PSMA5: variants seen among roughly 807,000 people sequenced by gnomAD.
The protein encoded by PSMA5 is proteasome 20S subunit alpha 5, also known as proteasome subunit alpha type-5.
A neutral mutation model predicts 34.5 loss-of-function variants in PSMA5; 3 were observed. The ratio of observed to expected loss-of-function variants is 0.09; its 90% CI spans 0.04 to 0.22. The LOEUF (loss-of-function observed/expected upper bound fraction) is 0.22. Among genes scored for constraint, PSMA5 ranks in the 10% least tolerant of loss-of-function variants. The pLI is 1.00. For missense variants in PSMA5, 120 were observed against 286.1 expected (o/e 0.42, Z 4.19); for synonymous variants, 88 against 95.8 (o/e 0.92, Z 0.47).
chr1:109,423,363 C>T (rs1654524000), intron 1 of PSMA5, among the ~76,000 whole-genome samples: 1 of 152,164 alleles, frequency 6.6e-6, no homozygotes, highest in African/African-American at 2.4e-5. Context: ...CACTTGAACC[C>T]AGGAGGCGGA....
rs372534140 is a variant in PSMA5 at position 109,414,890 on chromosome 1, G to A, written c.223+347C>T. On this transcript the variant is annotated intron_variant, in intron 3 of 8. Coordinates refer to ENST00000271308, the MANE Select transcript of PSMA5 (RefSeq NM_002790.4). ...CAAAAAAGTGGGCAGAGGCAACAAGGAATACAAAGATAATCTGAAAACAAA... is the reference window on the plus strand; with the variant it reads ...CAAAAAAGTGGGCAGAGGCAACAAGAAATACAAAGATAATCTGAAAACAAA... 5 of 181,266 alleles carry A rather than the reference G, an allele frequency of 2.8e-5. No homozygotes were observed. In the East Asian group the frequency reaches 5.8e-4, roughly 21 times the overall value. 11.2% of individuals were successfully genotyped at this position (181,266 alleles called of 1,614,324 possible).
intron 8 of PSMA5, among the ~76,000 whole-genome samples, chr1:109,403,465 A>G (rs1653618169): frequency 6.6e-6 from 1 of 151,488 alleles, no homozygotes; most frequent in Admixed American, 6.6e-5. Context: ...GTCTACCAAA[A>G]AAAAAAAACC....
chr1:109,411,781 C>A (rs1468680313), intron 6 of PSMA5, 96 bp downstream of exon 6: 9 of 1,250,868 alleles, frequency 7.2e-6, no homozygotes, highest in East Asian at 4.7e-5. Flanking sequence ...TGTGCTAATA[C>A]CTGGCTAACA....
chr1:109,412,038 T>G lies in PSMA5; in HGVS notation c.399+39A>C, dbSNP rs71656001. On this transcript the variant is annotated intron_variant, in intron 5 of 8. Transcript: ENST00000271308. ...CACAGGACAAATGTCCTAAGTCCCA[T>G]AGAACAATAAGAAAACTCGACAGAA... 6,312 of 1,595,778 alleles carry G rather than the reference T, an allele frequency of 4.0e-3. 18 individuals carry two copies. Among genetic ancestry groups the G allele is most frequent in the Non-Finnish European group, 4.8e-3 (5,556 of 1,163,370 alleles).
intron 8 of PSMA5, among the ~76,000 whole-genome samples, chr1:109,407,880 C>G (rs1030319230): frequency 1.3e-5 from 2 of 152,136 alleles, no homozygotes; most frequent in Admixed American, 1.3e-4. Flanking sequence ...TCTGGCCTCA[C>G]GTGATCTTCC....
chr1:109,403,910 A>C (rs1264811831), intron 8 of PSMA5, among the ~76,000 whole-genome samples: 1 of 152,228 alleles, frequency 6.6e-6, no homozygotes, highest in Non-Finnish European at 1.5e-5. Context: ...ATATATCTCT[A>C]ATTACATGAA....
intron 1 of PSMA5, 90 bp downstream of exon 1, chr1:109,426,212 C>T (rs1334741277): frequency 5.8e-6 from 9 of 1,541,798 alleles, no homozygotes; most frequent in Non-Finnish European, 8.1e-6. Context: ...TCCTGGGGAG[C>T]CCCATGACAC....
chr1:109,412,064 G>T lies in PSMA5; in HGVS notation c.399+13C>A. ...AGAACAATAAGAAAACTCGACAGAAGTATCACACTCACCATGGCACCTGGA... is the reference window on the plus strand; with the variant it reads ...AGAACAATAAGAAAACTCGACAGAATTATCACACTCACCATGGCACCTGGA... On this transcript the variant is annotated intron_variant, in intron 5 of 8. Coordinates refer to ENST00000271308, the MANE Select transcript of PSMA5 (RefSeq NM_002790.4). 1 of 1,609,776 alleles carries T rather than the reference G, an allele frequency of 6.2e-7. No homozygotes were observed. Among genetic ancestry groups the T allele is most frequent in the Non-Finnish European group, 8.5e-7 (1 of 1,176,080 alleles).
At chr1:109,424,002 C>T (rs1397181287) in intron 1 of PSMA5, among the ~76,000 whole-genome samples, 1 of 152,216 alleles carries the variant, frequency 6.6e-6, no homozygotes, top group Non-Finnish European at 1.5e-5. Flanking sequence ...TGTTCCCATA[C>T]ACGTATCATA....
At chr1:109,419,671 C>T (rs773547597) in intron 2 of PSMA5, among the ~76,000 whole-genome samples, 116 of 151,406 alleles carry the variant, frequency 7.7e-4, no homozygotes, top group African/African-American at 2.3e-3. Context: ...TGGTGGCACG[C>T]GCCTGTAATC....
chr1:109,413,041 G>C lies in PSMA5; in HGVS notation c.291+27C>G, dbSNP rs375717582. On this transcript the variant is annotated intron_variant, in intron 4 of 8. Coordinates refer to ENST00000271308, the MANE Select transcript of PSMA5 (RefSeq NM_002790.4). ...CTAAACAAGGAACTCAAGCATCCTG[G>C]TAAAAAGGAGATAATGCCAATTTTA... The C allele has an allele frequency of 3.8e-6, 6 of 1,587,584 alleles. No individual in the cohort carries two copies. In the African/African-American group the frequency reaches 6.7e-5, roughly 18 times the overall value.
chr1:109,407,756 C>G (rs2100956911), intron 8 of PSMA5, among the ~76,000 whole-genome samples: 1 of 152,236 alleles, frequency 6.6e-6, no homozygotes, highest in Admixed American at 6.5e-5. Context: ...ATTCTCATGC[C>G]TCAGCCTCCC....
chr1:109,411,800 T>C (rs887161697), intron 6 of PSMA5, 77 bp downstream of exon 6: 1 of 1,418,218 alleles, frequency 7.1e-7, no homozygotes, highest in Non-Finnish European at 9.9e-7. Context: ...CAGTCTACAA[T>C]AATCTTCTCA....
chr1:109,415,606 T>A lies in PSMA5; in HGVS notation c.97-243A>T, dbSNP rs970984538. On this transcript the variant is annotated intron_variant, in intron 2 of 8. Coordinates refer to ENST00000271308, the MANE Select transcript of PSMA5 (RefSeq NM_002790.4). Reference sequence around the variant, plus strand: ...TTCTTTTTTCTCCCTTAAATTTTTTTAAAATTTTTAATGTTTTCTTTATAA... The same window carrying A: ...TTCTTTTTTCTCCCTTAAATTTTTTAAAAATTTTTAATGTTTTCTTTATAA... Among the ~76,000 whole-genome samples, 18 of 152,224 alleles carry A rather than the reference T, an allele frequency of 1.2e-4. 1 individual carries two copies. Among genetic ancestry groups the A allele is most frequent in the South Asian group, 6.2e-4 (3 of 4,832 alleles).
chr1:109,417,850 G>C (rs992342281), intron 2 of PSMA5, among the ~76,000 whole-genome samples: 9 of 152,030 alleles, frequency 5.9e-5, no homozygotes, highest in Admixed American at 5.9e-4. Context: ...ATACATAACA[G>C]AAACAAAATT....
intron 4 of PSMA5, 87 bp from the exon 5 acceptor site, chr1:109,412,271 G>T (rs1392043053): frequency 5.3e-6 from 6 of 1,135,586 alleles, no homozygotes; most frequent in Non-Finnish European, 7.9e-6. Flanking sequence ...CTTTAAACTG[G>T]GATTGAAAAC....
chr1:109,403,927 GA>G (rs776246269), intron 8 of PSMA5, among the ~76,000 whole-genome samples: 4 of 152,182 alleles, frequency 2.6e-5, no homozygotes, highest in Non-Finnish European at 5.9e-5. Context: ...TGAAATGTCA[GA>G]AAAGTCCCAA....
chr1:109,408,248 C>T (rs75476106), intron 8 of PSMA5, among the ~76,000 whole-genome samples: 2 of 152,276 alleles, frequency 1.3e-5, no homozygotes, highest in East Asian at 3.9e-4. Flanking sequence ...CATCCCACAC[C>T]TCAGCAGTCA....
intron 1 of PSMA5, among the ~76,000 whole-genome samples, chr1:109,422,396 T>C (rs1476092077): frequency 6.6e-6 from 1 of 152,158 alleles, no homozygotes; most frequent in Non-Finnish European, 1.5e-5. Flanking sequence ...ACGTTTGTAA[T>C]AGTCTCCTAA....
Sources: allele counts gnomAD v4.1 joint callset (sites outside exome capture counted in the v4.1 genomes callset), GRCh38; gene constraint gnomAD v4.1.1; transcripts MANE v1.5; gene names NCBI Gene and HGNC (gene_info 2026-07-23, HGNC 2026-07-21).